The following SLC39A11 variants were observed in gnomAD, a reference collection of about 807,000 sequenced individuals.
SLC39A11 encodes zinc transporter ZIP11.
A neutral mutation model predicts 36.1 loss-of-function variants in SLC39A11; 33 were observed. The ratio of observed to expected loss-of-function variants is 0.91; its 90% CI spans 0.69 to 1.22. The LOEUF (loss-of-function observed/expected upper bound fraction) is 1.22, where lower values mean the gene tolerates loss of function less well. Ranked by LOEUF, SLC39A11 falls within the 50% of genes most tolerant of loss-of-function variation. SLC39A11 has a pLI of 0.00. For missense variants in SLC39A11, 432 were observed against 430.3 expected (o/e 1.00, Z -0.03); for synonymous variants, 166 against 170.3 (o/e 0.97, Z 0.20).
At position 72,708,481 on chromosome 17, in the gene SLC39A11, C is replaced by A. The variant is rs1469990035; in HGVS notation, c.671+28169G>T. On this transcript the variant is annotated intron_variant, in intron 7 of 9. Coordinates refer to ENST00000255559, the MANE Select transcript of SLC39A11 (RefSeq NM_139177.4). ...AATCACATGAGCAAATTCTTCGTAA[C>A]AAATCTCTTTCTATATATACACATC... Among the ~76,000 whole-genome samples the A allele has an allele frequency of 3.3e-5, 5 of 152,172 alleles. 1 individual carries two copies. Among genetic ancestry groups the A allele is most frequent in the Non-Finnish European group, 4.4e-5 (3 of 68,028 alleles).
intron 5 of SLC39A11, among the ~76,000 whole-genome samples, chr17:72,857,894 G>C (rs191625267): frequency 2.0e-5 from 3 of 152,282 alleles, no homozygotes; most frequent in Admixed American, 1.3e-4. Flanking sequence ...CAGATGCATA[G>C]TTTGCAAAAA....
chr17:72,671,884 G>A (rs548024584), intron 7 of SLC39A11, among the ~76,000 whole-genome samples: 1 of 152,240 alleles, frequency 6.6e-6, no homozygotes, highest in African/African-American at 2.4e-5. Context: ...AGGGAAATAG[G>A]GAGGTATTGG....
At chr17:72,874,481 T>C (rs1052406893) in intron 5 of SLC39A11, among the ~76,000 whole-genome samples, 1 of 152,194 alleles carries the variant, frequency 6.6e-6, no homozygotes, top group East Asian at 1.9e-4. Context: ...GTCGCAGGGA[T>C]GCTGAGCAAA....
In SLC39A11 at chr17:72,845,398, G is replaced by A. The variant is rs1598968021; in HGVS notation, c.601+4236C>T. ...GGGGGCCAGACATGCTCCTGCCTCA[G>A]GGCCTTTGCACTGGCTGTTCCCTCT... On this transcript the variant is annotated intron_variant, in intron 6 of 9. Transcript: ENST00000255559. 2.0e-5 allele frequency among the ~76,000 whole-genome samples: 3 copies of A among 152,268 alleles called. 1 individual carries two copies. The highest frequency in any genetic ancestry group is 2.0e-4 in the Admixed American group (3 of 15,302).
chr17:72,861,671 AT>A (rs2080017586), intron 5 of SLC39A11, among the ~76,000 whole-genome samples: 1 of 109,632 alleles, frequency 9.1e-6, no homozygotes, highest in Non-Finnish European at 1.9e-5. Flanking sequence ...ATATATATAT[AT>A]ATATATATAT....
chr17:72,781,328 T>A (rs1255321421), intron 6 of SLC39A11, among the ~76,000 whole-genome samples: 1 of 151,660 alleles, frequency 6.6e-6, no homozygotes, highest in Admixed American at 6.6e-5. Context: ...GGAGAGAATT[T>A]ATTTTACTGA....
intron 6 of SLC39A11, among the ~76,000 whole-genome samples, chr17:72,765,503 C>T (rs1169368536): frequency 6.6e-6 from 1 of 152,204 alleles, no homozygotes; most frequent in Non-Finnish European, 1.5e-5. Flanking sequence ...TTAATTTCCT[C>T]ATCTTGATAA....
chr17:72,803,496 A>G (rs933238580), intron 6 of SLC39A11, among the ~76,000 whole-genome samples: 3 of 152,208 alleles, frequency 2.0e-5, no homozygotes, highest in Non-Finnish European at 4.4e-5. Flanking sequence ...AAAGTGGGGG[A>G]AGGCTGTGTG....
At chr17:72,755,825 A>G (rs1261431655) in intron 6 of SLC39A11, among the ~76,000 whole-genome samples, 1 of 152,180 alleles carries the variant, frequency 6.6e-6, no homozygotes, top group East Asian at 1.9e-4. Flanking sequence ...ACCACGTGGA[A>G]TCTGCTCTCC....
rs986281878 is a variant in SLC39A11 at position 73,067,778 on chromosome 17, T to G, written c.147+17030A>C. ...CACGTACTGAATAGATCACATCTGT[T>G]AAGTCTCTTGCCACAAGCATCACAA... On this transcript the variant is annotated intron_variant, in intron 3 of 9. Transcript: ENST00000255559. The G allele has an allele frequency of 1.0e-5, 11 of 1,091,224 alleles. No individual in the cohort carries two copies. The African/African-American group carries it at 1.7e-4, about 17-fold the overall frequency. 67.6% of individuals were successfully genotyped at this position (1,091,224 alleles called of 1,614,324 possible).
chr17:72,658,083 T>C (rs758325139), intron 7 of SLC39A11, among the ~76,000 whole-genome samples: 1 of 152,112 alleles, frequency 6.6e-6, no homozygotes, highest in Non-Finnish European at 1.5e-5. Flanking sequence ...AAAGAAACAA[T>C]TCAGGCTGCT....
chr17:72,654,570 G>T (rs1340351509), intron 7 of SLC39A11, among the ~76,000 whole-genome samples: 1 of 152,168 alleles, frequency 6.6e-6, no homozygotes, highest in Non-Finnish European at 1.5e-5. Flanking sequence ...AGACCCTCAG[G>T]GGGGCCCCTT....
rs140318330 is a variant in SLC39A11, at chr17:72,732,626, G to A, written c.671+4024C>T. 1.5e-3 allele frequency among the ~76,000 whole-genome samples: 227 copies of A among 152,206 alleles called. 2 individuals carry two copies. Among genetic ancestry groups the A allele is most frequent in the African/African-American group, 5.1e-3 (213 of 41,520 alleles). Reference sequence around the variant, plus strand: ...GTGAGTGCTATCTTTCCTGCGCAGCGGCATGTTTCCCTCTGTGGTTTGTCT... The same window carrying A: ...GTGAGTGCTATCTTTCCTGCGCAGCAGCATGTTTCCCTCTGTGGTTTGTCT... On this transcript the variant is annotated intron_variant, in intron 7 of 9. Transcript: ENST00000255559.
intron 6 of SLC39A11, among the ~76,000 whole-genome samples, chr17:72,758,122 G>T (rs539720113): frequency 2.0e-5 from 3 of 152,240 alleles, no homozygotes; most frequent in African/African-American, 7.2e-5. Context: ...CTGACCTCAG[G>T]TGATCCACTC....
At chr17:72,672,459 A>G (rs997441522) in intron 7 of SLC39A11, among the ~76,000 whole-genome samples, 1 of 152,190 alleles carries the variant, frequency 6.6e-6, no homozygotes, top group Non-Finnish European at 1.5e-5. Context: ...AAAAATAAAA[A>G]CATAAAAAAC....
chr17:73,035,021 G>A (rs2058857996), intron 3 of SLC39A11, among the ~76,000 whole-genome samples: 1 of 151,998 alleles, frequency 6.6e-6, no homozygotes, highest in Admixed American at 6.6e-5. Context: ...TCTTTTCCTT[G>A]TGAGCCTCCC....
chr17:72,869,956 G>T (rs901488472), intron 5 of SLC39A11, among the ~76,000 whole-genome samples: 2 of 151,904 alleles, frequency 1.3e-5, no homozygotes, highest in Non-Finnish European at 2.9e-5. Context: ...CAGGGCATAT[G>T]TCCTTCTCAA....
At chr17:72,994,775 A>C (rs113429265) in intron 4 of SLC39A11, among the ~76,000 whole-genome samples, 14 of 152,174 alleles carry the variant, frequency 9.2e-5, no homozygotes, top group African/African-American at 1.2e-4. Flanking sequence ...AGAAAGAACA[A>C]ACACTCCATG....
Position 72,984,534 on chromosome 17 carries a change from T to C in SLC39A11, c.307-36659A>G, listed in dbSNP as rs9896408. 5.9e-3 allele frequency among the ~76,000 whole-genome samples: 899 copies of C among 152,260 alleles called. 12 individuals are homozygous for C. The highest frequency in any genetic ancestry group is 0.021 in the African/African-American group (865 of 41,548). On this transcript the variant is annotated intron_variant, in intron 4 of 9. Coordinates refer to ENST00000255559, the MANE Select transcript of SLC39A11 (RefSeq NM_139177.4). ...TTCAGCAAAGCAGCTGTTCTCAAAGTGGGGTCCCCAAGGCCAGCAGCATCA... is the reference window on the plus strand; with the variant it reads ...TTCAGCAAAGCAGCTGTTCTCAAAGCGGGGTCCCCAAGGCCAGCAGCATCA...
Sources: allele counts gnomAD v4.1 joint callset (sites outside exome capture counted in the v4.1 genomes callset), GRCh38; gene constraint gnomAD v4.1.1; transcripts MANE v1.5; gene names NCBI Gene and HGNC (gene_info 2026-07-23, HGNC 2026-07-21).